Variants in LIPA observed in about 807,000 individuals in gnomAD.
The protein encoded by LIPA is lipase A, lysosomal acid type, also known as lysosomal acid lipase/cholesteryl ester hydrolase.
LIPA carries 26 observed loss-of-function variants against 40.6 expected under a neutral mutation model. The observed-to-expected ratio is 0.64, with a 90% CI of 0.47 to 0.89. The LOEUF is 0.89. Ranked by LOEUF, LIPA falls within the 40% of genes least tolerant of loss-of-function variation. The pLI is 0.00. For missense variants in LIPA, 455 were observed against 479.6 expected, an observed-to-expected ratio of 0.95 and a Z score of 0.48; for synonymous variants, 188 against 168.4, an observed-to-expected ratio of 1.12 and a Z score of -0.90.
intron 1 of LIPA, among the ~76,000 whole-genome samples, chr10:89,329,211 C>G (rs1843626609): frequency 1.3e-5 from 2 of 152,102 alleles, no homozygotes; most frequent in Admixed American, 1.3e-4. Context: ...CCTTACTCTG[C>G]CCCAAGGACT....
At chr10:89,304,707 C>T (rs999817807) in intron 1 of LIPA, among the ~76,000 whole-genome samples, 8 of 152,176 alleles carry the variant, frequency 5.3e-5, no homozygotes, top group Middle Eastern at 3.4e-3. Context: ...CAAAGTAATT[C>T]GAAATACAGG....
intron 6 of LIPA, 132 bp downstream of exon 6, chr10:89,224,960 A>G: frequency 8.3e-7 from 1 of 1,208,532 alleles, no homozygotes; most frequent in Non-Finnish European, 1.2e-6. Context: ...AAACGGAAAA[A>G]GAAAAGCCCA....
At position 89,397,857 on chromosome 10, in the gene LIPA, T is replaced by TTCTATTTATTA. The variant is rs1844367527; in HGVS notation, c.61+14933_61+14934insTAATAAATAGA. 2.0e-5 allele frequency among the ~76,000 whole-genome samples: 3 copies of TTCTATTTATTA among 152,252 alleles called. No individual in the cohort carries two copies. The South Asian group carries it at 6.2e-4, about 31-fold the overall frequency. On this transcript the variant is annotated intron_variant, in intron 2 of 8. Coordinates refer to the LIPA transcript ENST00000371837. ...ACGTTTTTGTTATTTTTCTATTTACTTTGTTTGGAGTACCTTTGCCATAAA... is the reference window on the plus strand; with the variant it reads ...ACGTTTTTGTTATTTTTCTATTTACTTCTATTTATTATTGTTTGGAGTACCTTTGCCATAAA...
chr10:89,322,519 C>A (rs1843577361), intron 1 of LIPA, among the ~76,000 whole-genome samples: 1 of 152,222 alleles, frequency 6.6e-6, no homozygotes, highest in African/African-American at 2.4e-5. Context: ...TCGACAGGGA[C>A]CTGTGCAAGA....
intron 2 of LIPA, among the ~76,000 whole-genome samples, chr10:89,368,728 G>C (rs567337080): frequency 6.6e-6 from 1 of 152,300 alleles, no homozygotes; most frequent in African/African-American, 2.4e-5. Flanking sequence ...CATCAGGTAA[G>C]TTGTCCACTT....
At chr10:89,370,226 T>G (rs921006148) in intron 2 of LIPA, among the ~76,000 whole-genome samples, 2 of 151,902 alleles carry the variant, frequency 1.3e-5, no homozygotes, top group African/African-American at 2.4e-5. Context: ...TTTTGTTTGT[T>G]TTGTTTTTTT....
chr10:89,232,294 T>C lies in LIPA; in HGVS notation c.230-3896A>G, dbSNP rs1842851625. On this transcript the variant is annotated intron_variant, in intron 3 of 9. Transcript: ENST00000336233. ...CTCATGTCACAGCTCTTTAGGTATG[T>C]TGAGGCACTTTTCACCCACCAGGAG... 3.3e-5 allele frequency among the ~76,000 whole-genome samples: 5 copies of C among 152,186 alleles called. No homozygotes were observed. In the South Asian group the frequency reaches 1.0e-3, roughly 32 times the overall value.
At chr10:89,293,019 C>T (rs1843385100) in intron 1 of LIPA, among the ~76,000 whole-genome samples, 2 of 152,014 alleles carry the variant, frequency 1.3e-5, no homozygotes, top group Admixed American at 1.3e-4. Flanking sequence ...CTTTGTGTCC[C>T]CACCCAAATC....
At chr10:89,286,155 G>A (rs532602976) in intron 1 of LIPA, among the ~76,000 whole-genome samples, 4 of 151,968 alleles carry the variant, frequency 2.6e-5, no homozygotes, top group Non-Finnish European at 4.4e-5. Context: ...GGTGCCTGAC[G>A]TCCAGGCATT....
At chr10:89,267,635 C>T (rs984423715) in intron 1 of LIPA, among the ~76,000 whole-genome samples, 6 of 144,664 alleles carry the variant, frequency 4.1e-5, no homozygotes, top group South Asian at 4.4e-4. Flanking sequence ...TGCTAGATGA[C>T]GAGTTAGTGG....
intron 1 of LIPA, among the ~76,000 whole-genome samples, chr10:89,259,673 G>A (rs190301349): frequency 1.1e-3 from 164 of 152,280 alleles, no homozygotes; most frequent in African/African-American, 3.7e-3. Flanking sequence ...AAATTGTGGT[G>A]TATCTATACA....
At chr10:89,411,357 T>C (rs1318973526) in intron 2 of LIPA, among the ~76,000 whole-genome samples, 2 of 152,006 alleles carry the variant, frequency 1.3e-5, no homozygotes, top group Non-Finnish European at 2.9e-5. Flanking sequence ...GTTAGGAAAA[T>C]TGCCTAATAA....
chr10:89,349,562 G>C (rs1302066546), intron 2 of LIPA, among the ~76,000 whole-genome samples: 4 of 152,170 alleles, frequency 2.6e-5, no homozygotes, highest in Non-Finnish European at 5.9e-5. Context: ...ACAAAAGTGA[G>C]GGATGTAGAT....
intron 2 of LIPA, chr10:89,402,758 G>C (rs1564810623): frequency 1.2e-6 from 2 of 1,614,216 alleles, no homozygotes; most frequent in Middle Eastern, 3.3e-4. Context: ...AACGGGCCAA[G>C]GCCTGCTTTG....
At chr10:89,412,987 C>A (rs1030714687) in intron 1 of LIPA, 1 of 179,430 alleles carries the variant, frequency 5.6e-6, no homozygotes, top group Non-Finnish European at 1.2e-5. Context: ...CTTAGCTATA[C>A]TTCTTGATGC....
chr10:89,329,704 A>G (rs910913327), intron 1 of LIPA, among the ~76,000 whole-genome samples: 2 of 152,130 alleles, frequency 1.3e-5, no homozygotes, highest in Non-Finnish European at 2.9e-5. Context: ...TAAAATTATA[A>G]CACAAATATA....
intron 3 of LIPA, among the ~76,000 whole-genome samples, chr10:89,239,586 GCATCA>G (rs572372206): frequency 1.1e-3 from 170 of 152,290 alleles, no homozygotes; most frequent in Middle Eastern, 6.8e-3. Context: ...AGAGCACCCT[GCATCA>G]CAGAGCAGGG....
intron 1 of LIPA, among the ~76,000 whole-genome samples, chr10:89,260,589 C>T (rs918059072): frequency 6.6e-6 from 1 of 152,202 alleles, no homozygotes; most frequent in Non-Finnish European, 1.5e-5. Flanking sequence ...GCTTGGGCCT[C>T]CTACTTGGAG....
chr10:89,354,355 G>A (rs915779723), intron 2 of LIPA, among the ~76,000 whole-genome samples: 1 of 152,104 alleles, frequency 6.6e-6, no homozygotes, highest in African/African-American at 2.4e-5. Flanking sequence ...ATAAAACCAA[G>A]CTGTGCCCTA....
Sources: allele counts gnomAD v4.1 joint callset (sites outside exome capture counted in the v4.1 genomes callset), GRCh38; gene constraint gnomAD v4.1.1; transcripts MANE v1.5; gene names NCBI Gene and HGNC (gene_info 2026-07-23, HGNC 2026-07-21).